FBXO36: variants seen among roughly 807,000 people sequenced by gnomAD.
FBXO36 encodes the protein F-box only protein 36.
FBXO36 carries 18 observed loss-of-function variants against 17.0 expected under a neutral mutation model. That is an observed-to-expected ratio of 1.06 (90% CI 0.73 to 1.57). The LOEUF (loss-of-function observed/expected upper bound fraction) is 1.57, where lower values mean the gene tolerates loss of function less well. Among genes scored for constraint, FBXO36 ranks in the 40% most tolerant of loss-of-function variants. The probability of loss-of-function intolerance (pLI) is 0.00; values close to 1 mark genes in which losing one functional copy is unlikely to be tolerated. For synonymous variants in FBXO36, 83 were observed against 85.3 expected (o/e 0.97, Z 0.15); for missense variants, 229 against 221.9 (o/e 1.03, Z -0.20).
intron 1 of FBXO36, among the ~76,000 whole-genome samples, chr2:229,938,755 C>CTT (rs57331069): frequency 0.014 from 1,532 of 111,298 alleles, 32 homozygotes; most frequent in Non-Finnish European, 0.022. Context: ...CCCAAAAAAC[C>CTT]TTTTTTTTTT....
At chr2:229,933,720 C>G (rs983896708) in intron 1 of FBXO36, among the ~76,000 whole-genome samples, 1 of 152,146 alleles carries the variant, frequency 6.6e-6, no homozygotes, top group African/African-American at 2.4e-5. Context: ...GAGTCTTGCT[C>G]TGTCGCCCAG....
intron 1 of FBXO36, among the ~76,000 whole-genome samples, chr2:229,958,196 C>T (rs149344564): frequency 3.0e-5 from 4 of 134,520 alleles, no homozygotes; most frequent in African/African-American, 1.1e-4. Context: ...AACTTCACTT[C>T]CATCTGTTTG....
At chr2:229,987,027 T>A (rs943611200) in intron 2 of FBXO36, among the ~76,000 whole-genome samples, 1 of 150,086 alleles carries the variant, frequency 6.7e-6, no homozygotes, top group African/African-American at 2.4e-5. Flanking sequence ...AAGACCAGCC[T>A]GGCCAACATG....
chr2:229,989,447 G>A (rs1324615442), intron 2 of FBXO36, among the ~76,000 whole-genome samples: 1 of 151,840 alleles, frequency 6.6e-6, no homozygotes, highest in East Asian at 1.9e-4. Context: ...AGTAGAGACA[G>A]GGTTTCTCCA....
intron 3 of FBXO36, among the ~76,000 whole-genome samples, chr2:230,008,775 T>A (rs1477949552): frequency 2.0e-5 from 3 of 152,228 alleles, no homozygotes; most frequent in African/African-American, 7.2e-5. Flanking sequence ...TTTTTAAAGT[T>A]TTCCTTTGTT....
At chr2:229,928,360 TAAAAG>T (rs201543857) in intron 1 of FBXO36, among the ~76,000 whole-genome samples, 4 of 152,326 alleles carry the variant, frequency 2.6e-5, no homozygotes, top group African/African-American at 9.6e-5. Context: ...AAATAATTCT[TAAAAG>T]AAAAAGCTGG....
intron 1 of FBXO36, among the ~76,000 whole-genome samples, chr2:229,975,415 G>A (rs896881856): frequency 2.0e-5 from 3 of 151,876 alleles, no homozygotes; most frequent in Non-Finnish European, 2.9e-5. Context: ...GACATCTTCC[G>A]GAAACAGATA....
chr2:230,010,891 AT>A lies in FBXO36; in HGVS notation c.*11del. 6.3e-7 allele frequency: 1 copy of A among 1,599,858 alleles called. No homozygotes were observed. The highest frequency in any genetic ancestry group is 1.1e-5 in the South Asian group (1 of 89,626). On this transcript the variant is annotated 3_prime_UTR_variant, in exon 4 of 4. Coordinates refer to ENST00000283946, the MANE Select transcript of FBXO36 (RefSeq NM_174899.5). ...GAGAGAAAAGCAACCTTAGGCACAC[AT>A]TTTCCTACCAGCAGGGAGCTCAGGC...
chr2:229,966,949 T>C (rs1418719525), intron 1 of FBXO36, among the ~76,000 whole-genome samples: 5 of 152,208 alleles, frequency 3.3e-5, no homozygotes, highest in African/African-American at 1.2e-4. Context: ...GGGATGGCAT[T>C]GAATCTATAA....
At chr2:229,969,348 C>T (rs982492281) in intron 1 of FBXO36, among the ~76,000 whole-genome samples, 33 of 150,554 alleles carry the variant, frequency 2.2e-4, no homozygotes, top group Middle Eastern at 3.4e-3. Context: ...TCCCTAGTAG[C>T]TGGGACTACA....
At chr2:230,006,106 T>G (rs995345544) in intron 3 of FBXO36, among the ~76,000 whole-genome samples, 4 of 76,332 alleles carry the variant, frequency 5.2e-5, no homozygotes, top group African/African-American at 1.3e-4. Context: ...TTTATTTTAG[T>G]TTTTTTTTTT....
At chr2:229,966,578 C>T (rs2077154180) in intron 1 of FBXO36, among the ~76,000 whole-genome samples, 1 of 152,156 alleles carries the variant, frequency 6.6e-6, no homozygotes, top group Non-Finnish European at 1.5e-5. Context: ...GGAAGGGATC[C>T]AGTTTCAGCT....
chr2:229,965,996 CAG>C (rs1212999882), intron 1 of FBXO36, among the ~76,000 whole-genome samples: 1 of 152,192 alleles, frequency 6.6e-6, no homozygotes, highest in African/African-American at 2.4e-5. Context: ...GTCCCACCAA[CAG>C]TGTAAAAGTG....
At chr2:230,007,270 C>T (rs1000082030) in intron 3 of FBXO36, among the ~76,000 whole-genome samples, 14 of 152,212 alleles carry the variant, frequency 9.2e-5, no homozygotes, top group African/African-American at 3.1e-4. Context: ...AGGCCCAGGC[C>T]GGGAAAGAGA....
chr2:229,991,253 C>G (rs1257871212), intron 2 of FBXO36, among the ~76,000 whole-genome samples: 1 of 152,052 alleles, frequency 6.6e-6, no homozygotes, highest in Non-Finnish European at 1.5e-5. Flanking sequence ...TTCTTTGACT[C>G]CTTAATTATT....
intron 3 of FBXO36, among the ~76,000 whole-genome samples, chr2:230,001,059 A>G (rs1177640954): frequency 1.3e-5 from 2 of 151,756 alleles, no homozygotes; most frequent in African/African-American, 4.8e-5. Flanking sequence ...GGGTTTCACC[A>G]TGTTGGCCAG....
intron 1 of FBXO36, among the ~76,000 whole-genome samples, chr2:229,938,216 CTTTT>C (rs71049603): frequency 2.5e-4 from 18 of 73,220 alleles, no homozygotes; most frequent in South Asian, 5.7e-4. Flanking sequence ...ATACAACTTT[CTTTT>C]TTTTTTTTTT....
At chr2:229,941,327 C>T (rs2076997586) in intron 1 of FBXO36, among the ~76,000 whole-genome samples, 1 of 151,976 alleles carries the variant, frequency 6.6e-6, no homozygotes, top group Non-Finnish European at 1.5e-5. Context: ...TGGTGGCACA[C>T]GCCTGTAGTC....
chr2:229,973,053 C>G, intron 1 of FBXO36, among the ~76,000 whole-genome samples: 1 of 149,734 alleles, frequency 6.7e-6, no homozygotes, highest in Non-Finnish European at 1.5e-5. Flanking sequence ...GAGCAAGACT[C>G]TGTCTCAAAA....
Sources: allele counts gnomAD v4.1 joint callset (sites outside exome capture counted in the v4.1 genomes callset), GRCh38; gene constraint gnomAD v4.1.1; transcripts MANE v1.5; gene names NCBI Gene and HGNC (gene_info 2026-07-23, HGNC 2026-07-21).